Variants in HEMGN observed in about 807,000 individuals in gnomAD.
HEMGN encodes the protein hemogen, also known as erythroid differentiation-associated gene protein.
Under a neutral mutation model 45.7 loss-of-function variants are expected in HEMGN, and 32 were observed. The ratio of observed to expected loss-of-function variants is 0.70; its 90% CI spans 0.53 to 0.94. The LOEUF (loss-of-function observed/expected upper bound fraction) is 0.94, where lower values mean the gene tolerates loss of function less well. HEMGN is among the 40% of genes least tolerant of loss of function. The probability of loss-of-function intolerance (pLI) is 0.00; values close to 1 mark genes in which losing one functional copy is unlikely to be tolerated. For synonymous variants in HEMGN, 183 were observed against 178.6 expected (o/e 1.02, Z -0.20); for missense variants, 530 against 564.2 (o/e 0.94, Z 0.61).
chr9:97,931,074 T>A lies in HEMGN; in HGVS notation c.321A>T (p.Lys107Asn), dbSNP rs765203808. 8 of 1,614,136 alleles carry A rather than the reference T, an allele frequency of 5.0e-6. No homozygotes were observed. The highest frequency in any genetic ancestry group is 6.8e-6 in the Non-Finnish European group (8 of 1,180,032). ...VEKALAPIEK[K>N]TEPPGSITKV... ...TGGTTATGCTCCCAGGTGGCTCAGT[T>A]TTTTTCTCTATAGGTGCCAGTGCTT... is the stretch of plus-strand genomic sequence containing the variant. Residue 107 changes from lysine to asparagine, a missense_variant, in exon 3 of 4, where the codon AAA becomes AAT. Physicochemically the swap from Lys to Asn is moderately conservative, Grantham distance 94. Coordinates refer to ENST00000616898, the MANE Select transcript of HEMGN (RefSeq NM_197978.3).
chr9:97,939,721 G>T (rs559548686), upstream of HEMGN, among the ~76,000 whole-genome samples: 6 of 152,192 alleles, frequency 3.9e-5, no homozygotes, highest in East Asian at 1.9e-4. Flanking sequence ...CACACTAAAG[G>T]GTATCGAGAA....
At chr9:97,929,949 A>G (rs1272318363) in intron 3 of HEMGN, 86 bp downstream of exon 3, 10 of 941,584 alleles carry the variant, frequency 1.1e-5, no homozygotes, top group East Asian at 7.2e-5. Flanking sequence ...TTGAAATAAC[A>G]GGGAATACCC....
chr9:97,935,111 G>C (rs149916907), intron 2 of HEMGN, among the ~76,000 whole-genome samples: 2 of 152,274 alleles, frequency 1.3e-5, no homozygotes, highest in East Asian at 3.9e-4. Context: ...CCACTATTCT[G>C]CTTTCTTCTG....
chr9:97,936,089 T>C, intron 2 of HEMGN, 82 bp downstream of exon 2: 1 of 882,760 alleles, frequency 1.1e-6, no homozygotes, highest in East Asian at 2.4e-5. Context: ...TAAAATACAG[T>C]GTGTAAAGTG....
At position 97,931,240 on chromosome 9, in the gene HEMGN, T is replaced by A. The variant is rs753162443; in HGVS notation, c.174-19A>T. On this transcript the variant is annotated intron_variant, in intron 2 of 3. Transcript: ENST00000616898. ...CTGTTCTCTGCAGAAAGAACAGAAT[T>A]AGTGTCAGCAGTGGTACTACAGAAT... 1 of 1,562,308 alleles carries A rather than the reference T, an allele frequency of 6.4e-7. No homozygotes were observed. Among genetic ancestry groups the A allele is most frequent in the Non-Finnish European group, 8.7e-7 (1 of 1,154,118 alleles).
rs1826939566 is a variant in HEMGN at position 97,931,003 on chromosome 9, T to G, written c.392A>C (p.Glu131Ala). ...TTCTTGACATATTTCAGAAAAGTGT[T>G]CCTCAGGCACAACTTTTTGCGGGGA... ...VASPQKVVPE[E>A]HFSEICQESN... The change falls in exon 3 of 4, where the codon GAA becomes GCA. Residue 131 changes from glutamate (E) to alanine (A), a missense_variant. Transcript: ENST00000616898. 3.7e-6 allele frequency: 6 copies of G among 1,614,174 alleles called. No individual in the cohort carries two copies. The South Asian group carries it at 4.4e-5, about 12-fold the overall frequency.
rs1826835161 is a variant in HEMGN, at chr9:97,926,873, A to G, written c.*511T>C. On this transcript the variant is annotated 3_prime_UTR_variant, in exon 4 of 4. Coordinates refer to ENST00000616898, the MANE Select transcript of HEMGN (RefSeq NM_197978.3). ...AAAAATAGAAAATCAAAATTCAAAT[A>G]CAAAAGTAAACTACATTCATCACTC... is the stretch of plus-strand genomic sequence containing the variant. The G allele has an allele frequency of 6.5e-6, 1 of 152,802 alleles. No homozygotes were observed. The highest frequency in any genetic ancestry group is 2.4e-5 in the African/African-American group (1 of 41,596). 9.5% of individuals were successfully genotyped at this position (152,802 alleles called of 1,614,324 possible). A position where few individuals can be genotyped will look rare whatever the true frequency, so the allele number is the denominator to read the frequency against.
At position 97,930,220 on chromosome 9, in the gene HEMGN, T is replaced by C; in HGVS notation, c.1175A>G (p.Glu392Gly). Reference protein sequence around the residue: ...PEIYQETSQLEEYSPEIYQET... With the variant: ...PEIYQETSQLGEYSPEIYQET... ...TTGGTATATTTCAGGTGAATATTCT[T>C]CAAGCTGGGATGTTTCTTGGTATAT... Residue 392 changes from glutamate to glycine, a missense_variant, in exon 3 of 4, where the codon GAA becomes GGA. Transcript: ENST00000616898. 2 of 1,614,148 alleles carry C rather than the reference T, an allele frequency of 1.2e-6. No individual in the cohort carries two copies. The highest frequency in any genetic ancestry group is 1.7e-6 in the Non-Finnish European group (2 of 1,180,014).
chr9:97,930,131 A>G lies in HEMGN; in HGVS notation c.1264T>C (p.Cys422Arg). Reference protein sequence around the residue: ...TYKNKDVPKECFPEPHQETGG... With the variant: ...TYKNKDVPKERFPEPHQETGG... ...GTTTCTTGGTGTGGTTCTGGAAAGC[A>G]TTCTTTAGGCACATCCTTATTTTTA... Residue 422 changes from cysteine (C) to arginine (R), a missense_variant, in exon 3 of 4, where the codon TGC becomes CGC. Coordinates refer to ENST00000616898, the MANE Select transcript of HEMGN (RefSeq NM_197978.3). The G allele has an allele frequency of 6.2e-7, 1 of 1,614,168 alleles. No individual in the cohort carries two copies. The highest frequency in any genetic ancestry group is 8.5e-7 in the Non-Finnish European group (1 of 1,180,012).
intron 2 of HEMGN, among the ~76,000 whole-genome samples, chr9:97,935,345 C>T (rs2131555873): frequency 6.6e-6 from 1 of 152,214 alleles, no homozygotes; most frequent in South Asian, 2.1e-4. Flanking sequence ...CCTGTCTTCC[C>T]CCAACCCCAC....
intron 1 of HEMGN, among the ~76,000 whole-genome samples, chr9:97,944,447 C>G (rs1263458087): frequency 1.3e-5 from 2 of 152,174 alleles, no homozygotes; most frequent in Non-Finnish European, 2.9e-5. Context: ...CATGCTCATT[C>G]CATCTTTTCC....
intron 2 of HEMGN, among the ~76,000 whole-genome samples, chr9:97,932,825 A>G (rs1017283704): frequency 2.7e-5 from 4 of 146,098 alleles, no homozygotes; most frequent in Non-Finnish European, 6.1e-5. Context: ...AAAAAAGGAA[A>G]TCTAAAGATG....
intron 2 of HEMGN, 129 bp downstream of exon 2, chr9:97,936,042 G>T (rs1827051724): frequency 1.5e-6 from 1 of 676,006 alleles, no homozygotes; most frequent in Non-Finnish European, 2.6e-6. Flanking sequence ...TGTAAAATAG[G>T]GATAACCATG....
At chr9:97,936,737 T>C (rs1055335307) in intron 1 of HEMGN, among the ~76,000 whole-genome samples, 1 of 152,226 alleles carries the variant, frequency 6.6e-6, no homozygotes. Context: ...AATGATAATT[T>C]TAATGACAAT....
At position 97,931,088 on chromosome 9, in the gene HEMGN, G is replaced by T. The variant is rs145386159; in HGVS notation, c.307C>A (p.Pro103Thr). The change falls in exon 3 of 4, where the codon CCT (proline) becomes ACT (threonine). Residue 103 changes from proline to threonine, a missense_variant. Pro to Thr is a conservative substitution (Grantham distance 38). Coordinates refer to ENST00000616898, the MANE Select transcript of HEMGN (RefSeq NM_197978.3). ...GGTGGCTCAGTTTTTTTCTCTATAG[G>T]TGCCAGTGCTTTCTCCACTATTTCC... ...EKEIVEKALA[P>T]IEKKTEPPGS... 1 of 1,613,896 alleles carries T rather than the reference G, an allele frequency of 6.2e-7. No homozygotes were observed. Among genetic ancestry groups the T allele is most frequent in the Non-Finnish European group, 8.5e-7 (1 of 1,180,018 alleles).
At chr9:97,939,316 C>A (rs1564124019), upstream of HEMGN, among the ~76,000 whole-genome samples, 1 of 152,158 alleles carries the variant, frequency 6.6e-6, no homozygotes. Flanking sequence ...GTGTGCCTAG[C>A]ATATTGAACT....
intron 1 of HEMGN, 44 bp from the exon 2 acceptor site, chr9:97,936,308 T>C (rs1217408711): frequency 7.4e-7 from 1 of 1,350,036 alleles, no homozygotes; most frequent in South Asian, 1.2e-5. Flanking sequence ...TGAACTGTGG[T>C]GTCTATCAGC....
chr9:97,935,135 C>T (rs1414111311), intron 2 of HEMGN, among the ~76,000 whole-genome samples: 1 of 152,206 alleles, frequency 6.6e-6, no homozygotes, highest in Non-Finnish European at 1.5e-5. Flanking sequence ...AGGAAAAAAT[C>T]ATGAACCAAC....
intron 1 of HEMGN, among the ~76,000 whole-genome samples, chr9:97,943,435 C>T (rs542185961): frequency 6.6e-6 from 1 of 152,346 alleles, no homozygotes; most frequent in South Asian, 2.1e-4. Flanking sequence ...GTTCCCCTCT[C>T]TCTCAGTCTG....
Sources: gnomAD v4.1 joint callset for allele counts (sites outside exome capture counted in the v4.1 genomes callset) on GRCh38, gnomAD v4.1.1 for gene constraint, MANE v1.5 for transcripts, NCBI Gene and HGNC (gene_info 2026-07-23, HGNC 2026-07-21) for gene names.